The following PLPP4 variants were observed in gnomAD, a reference collection of about 807,000 sequenced individuals.
PLPP4 encodes phospholipid phosphatase 4, also known as diacylglycerol pyrophosphate like 2.
PLPP4 carries 20 observed loss-of-function variants against 32.2 expected under a neutral mutation model. The observed-to-expected ratio is 0.62, with a 90% CI of 0.44 to 0.90. PLPP4 has a LOEUF of 0.90. Among genes scored for constraint, PLPP4 ranks in the 40% least tolerant of loss-of-function variants. PLPP4 has a pLI of 0.00. For missense variants in PLPP4, 257 were observed against 353.1 expected (o/e 0.73, Z 2.18); for synonymous variants, 127 against 133.0 (o/e 0.95, Z 0.31).
intron 6 of PLPP4, among the ~76,000 whole-genome samples, chr10:120,580,715 C>T (rs1849466438): frequency 1.3e-5 from 2 of 150,944 alleles, no homozygotes; most frequent in South Asian, 4.2e-4. Context: ...AGCAGGCCTC[C>T]CTTGTGCTGT....
chr10:120,565,355 T>TGC (rs151034242), intron 5 of PLPP4, among the ~76,000 whole-genome samples: 3,559 of 132,680 alleles, frequency 0.027, 64 homozygotes, highest in Non-Finnish European at 0.041. Context: ...TGTGTGTGTG[T>TGC]GTGTGTGCTG....
At chr10:120,516,872 A>G (rs1215452900) in intron 3 of PLPP4, among the ~76,000 whole-genome samples, 1 of 152,168 alleles carries the variant, frequency 6.6e-6, no homozygotes, top group African/African-American at 2.4e-5. Context: ...GTGCTATTCC[A>G]GTAAAAATAT....
intron 1 of PLPP4, among the ~76,000 whole-genome samples, chr10:120,471,192 T>G (rs1375670383): frequency 6.6e-6 from 1 of 152,188 alleles, no homozygotes; most frequent in Non-Finnish European, 1.5e-5. Flanking sequence ...TCTTTTTAAT[T>G]TGAAGGTATG....
At chr10:120,497,206 C>T (rs891466081) in intron 1 of PLPP4, among the ~76,000 whole-genome samples, 3 of 152,080 alleles carry the variant, frequency 2.0e-5, no homozygotes, top group Admixed American at 1.3e-4. Flanking sequence ...CTGGCAGCCA[C>T]GGTTTGCCTA....
chr10:120,541,774 G>A (rs996261571), intron 5 of PLPP4, among the ~76,000 whole-genome samples: 6 of 88,572 alleles, frequency 6.8e-5, no homozygotes, highest in Non-Finnish European at 1.3e-4. Context: ...TGCCATTTAA[G>A]TCATTCTTTT....
At chr10:120,499,944 C>T (rs1281730115) in intron 1 of PLPP4, among the ~76,000 whole-genome samples, 1 of 152,194 alleles carries the variant, frequency 6.6e-6, no homozygotes, top group African/African-American at 2.4e-5. Context: ...ACTTTCCATT[C>T]CACTATGTGC....
chr10:120,503,997 T>C, intron 2 of PLPP4, 71 bp downstream of exon 2: 1 of 1,081,808 alleles, frequency 9.2e-7, no homozygotes, highest in South Asian at 1.3e-5. Flanking sequence ...TTCATCTTTG[T>C]TTTTCTAACC....
chr10:120,559,762 C>T (rs753849907), intron 5 of PLPP4, among the ~76,000 whole-genome samples: 1 of 152,152 alleles, frequency 6.6e-6, no homozygotes, highest in African/African-American at 2.4e-5. Context: ...TATGTAGATA[C>T]TACATCTACA....
At chr10:120,570,203 A>C (rs1159784881) in intron 5 of PLPP4, among the ~76,000 whole-genome samples, 1 of 151,986 alleles carries the variant, frequency 6.6e-6, no homozygotes, top group Non-Finnish European at 1.5e-5. Flanking sequence ...TCTGCTTGGC[A>C]TGGTTTCCTC....
chr10:120,535,249 G>C (rs1472972378), intron 5 of PLPP4, among the ~76,000 whole-genome samples: 1 of 152,058 alleles, frequency 6.6e-6, no homozygotes, highest in Non-Finnish European at 1.5e-5. Flanking sequence ...CTATTTAGGA[G>C]TTGATTGTTT....
At chr10:120,470,367 A>T (rs1848464475) in intron 1 of PLPP4, among the ~76,000 whole-genome samples, 1 of 152,176 alleles carries the variant, frequency 6.6e-6, no homozygotes, top group Non-Finnish European at 1.5e-5. Context: ...TATTGCAAAT[A>T]TTCTTCCATG....
intron 5 of PLPP4, among the ~76,000 whole-genome samples, chr10:120,558,044 GTAA>G (rs993555022): frequency 1.3e-5 from 2 of 150,850 alleles, no homozygotes; most frequent in African/African-American, 4.8e-5. Flanking sequence ...TAAATATTAA[GTAA>G]TAATAAAAAA....
intron 5 of PLPP4, among the ~76,000 whole-genome samples, chr10:120,552,207 T>TGA (rs771583617): frequency 6.3e-5 from 9 of 142,416 alleles, no homozygotes; most frequent in Non-Finnish European, 1.2e-4. Flanking sequence ...TGTGTGTGTG[T>TGA]GATGTTATGT....
At chr10:120,501,714 T>A (rs1845260119) in intron 1 of PLPP4, among the ~76,000 whole-genome samples, 1 of 152,226 alleles carries the variant, frequency 6.6e-6, no homozygotes, top group Non-Finnish European at 1.5e-5. Context: ...AGGTATCATT[T>A]AGTTCAATGC....
chr10:120,479,812 C>T (rs186866810), intron 1 of PLPP4, among the ~76,000 whole-genome samples: 1 of 152,338 alleles, frequency 6.6e-6, no homozygotes, highest in Admixed American at 6.5e-5. Context: ...AGATGGCCCT[C>T]AGGTAGTCAT....
At chr10:120,522,334 C>G (rs1196291477) in intron 5 of PLPP4, among the ~76,000 whole-genome samples, 1 of 152,190 alleles carries the variant, frequency 6.6e-6, no homozygotes, top group East Asian at 1.9e-4. Context: ...GGCCTGTCAA[C>G]GAGACATTAG....
At chr10:120,562,226 C>A (rs549746647) in intron 5 of PLPP4, among the ~76,000 whole-genome samples, 1 of 151,980 alleles carries the variant, frequency 6.6e-6, no homozygotes, top group African/African-American at 2.4e-5. Flanking sequence ...AATTACATTT[C>A]CTAGCTAATT....
chr10:120,500,243 G>C (rs574926651), intron 1 of PLPP4, among the ~76,000 whole-genome samples: 7 of 152,150 alleles, frequency 4.6e-5, no homozygotes, highest in African/African-American at 1.7e-4. Flanking sequence ...CAAACAAGAC[G>C]AGGAAGGAAG....
intron 5 of PLPP4, among the ~76,000 whole-genome samples, chr10:120,572,674 T>C (rs978295018): frequency 6.6e-6 from 1 of 152,232 alleles, no homozygotes; most frequent in African/African-American, 2.4e-5. Flanking sequence ...ATAAAGTCCA[T>C]TATTCCTCCT....
Sources: allele counts gnomAD v4.1 joint callset (sites outside exome capture counted in the v4.1 genomes callset), GRCh38; gene constraint gnomAD v4.1.1; transcripts MANE v1.5; gene names NCBI Gene and HGNC (gene_info 2026-07-23, HGNC 2026-07-21).